Variants in C2orf76 observed in about 807,000 individuals in gnomAD.
C2orf76 encodes the protein UPF0538 protein C2orf76.
C2orf76 carries 23 observed loss-of-function variants against 16.9 expected under a neutral mutation model. The observed-to-expected ratio is 1.36, with a 90% CI of 0.98 to 1.93. The LOEUF (loss-of-function observed/expected upper bound fraction) is 1.93, where lower values mean the gene tolerates loss of function less well. C2orf76 is among the 30% of genes most tolerant of loss of function. C2orf76 has a pLI of 0.00. For missense variants in C2orf76, 152 were observed against 152.6 expected (o/e 1.00, Z 0.02); for synonymous variants, 48 against 52.3 (o/e 0.92, Z 0.35).
chr2:119,308,955 G>A (rs1024955038), intron 5 of C2orf76, among the ~76,000 whole-genome samples: 1 of 130,140 alleles, frequency 7.7e-6, no homozygotes, highest in Non-Finnish European at 1.5e-5. Context: ...CTTGGACAAT[G>A]CCACTTTTTC....
chr2:119,288,089 C>T, the C2orf76 span, among the ~76,000 whole-genome samples: 2 of 151,728 alleles, frequency 1.3e-5, no homozygotes, highest in Admixed American at 6.6e-5. Context: ...GTGGGTCGTG[C>T]ACTTGTCAAA....
chr2:119,342,287 G>A (rs1345313118), intron 1 of C2orf76, among the ~76,000 whole-genome samples: 1 of 152,166 alleles, frequency 6.6e-6, no homozygotes, highest in African/African-American at 2.4e-5. Context: ...TTTATACAAA[G>A]TTCATAAACA....
intron 3 of C2orf76, among the ~76,000 whole-genome samples, chr2:119,320,005 AT>A (rs1258550383): frequency 3.9e-5 from 6 of 152,196 alleles, no homozygotes; most frequent in African/African-American, 1.4e-4. Flanking sequence ...AAATGTATTC[AT>A]TTTTTCTGCC....
intron 2 of C2orf76, among the ~76,000 whole-genome samples, chr2:119,323,696 C>T (rs1413305497): frequency 1.3e-5 from 2 of 152,148 alleles, no homozygotes; most frequent in African/African-American, 2.4e-5. Flanking sequence ...ACCCAGAGGC[C>T]AGACAGGTGA....
intron 2 of C2orf76, among the ~76,000 whole-genome samples, chr2:119,327,336 A>ATTTTTTTTTTTTTT (rs34185420): frequency 1.5e-5 from 1 of 68,692 alleles, no homozygotes. Flanking sequence ...AATTACATGG[A>ATTTTTTTTTTTTTT]TTTTTTTTTT....
chr2:119,361,803 A>G (rs1425234076), intron 1 of C2orf76, among the ~76,000 whole-genome samples: 1 of 152,136 alleles, frequency 6.6e-6, no homozygotes, highest in East Asian at 1.9e-4. Context: ...TATATTTTTT[A>G]TAACCGCACG....
At chr2:119,320,954 A>G (rs1316549460) in intron 3 of C2orf76, among the ~76,000 whole-genome samples, 200 bp downstream of exon 3, 1 of 152,186 alleles carries the variant, frequency 6.6e-6, no homozygotes, top group Non-Finnish European at 1.5e-5. Flanking sequence ...TTTGGCAAAC[A>G]TGCTACTCTT....
the C2orf76 span, among the ~76,000 whole-genome samples, chr2:119,282,367 T>A: frequency 2.6e-5 from 4 of 152,192 alleles, no homozygotes; most frequent in African/African-American, 9.7e-5. Context: ...GGACTGTCAC[T>A]CACCAAGCCT....
chr2:119,318,638 G>T (rs1022461987), intron 3 of C2orf76, among the ~76,000 whole-genome samples: 9 of 150,650 alleles, frequency 6.0e-5, no homozygotes, highest in African/African-American at 2.2e-4. Context: ...CAAGCAATTC[G>T]CCTGCCTCAG....
intron 1 of C2orf76, chr2:119,366,352 C>T (rs879117382): frequency 1.3e-5 from 6 of 459,410 alleles, no homozygotes; most frequent in Non-Finnish European, 2.7e-5. Context: ...CTGCCTTTAA[C>T]GCACCAGATG....
At chr2:119,305,332 T>C (rs761341011) in intron 5 of C2orf76, among the ~76,000 whole-genome samples, 2 of 152,168 alleles carry the variant, frequency 1.3e-5, no homozygotes, top group Admixed American at 6.5e-5. Context: ...AGGAACATAA[T>C]GATAATGACT....
intron 1 of C2orf76, among the ~76,000 whole-genome samples, chr2:119,356,096 A>C (rs1680562862): frequency 6.6e-6 from 1 of 152,172 alleles, no homozygotes; most frequent in Non-Finnish European, 1.5e-5. Context: ...CCCTGGACCA[A>C]AGACGAAGTC....
chr2:119,286,794 A>G, the C2orf76 span, among the ~76,000 whole-genome samples: 2,031 of 152,240 alleles, frequency 0.013, 32 homozygotes, highest in African/African-American at 0.045. Flanking sequence ...ATGAGAAATG[A>G]TGAGGCCCAA....
At chr2:119,281,763 T>G in the C2orf76 span, among the ~76,000 whole-genome samples, 2 of 152,142 alleles carry the variant, frequency 1.3e-5, no homozygotes. Context: ...GCTAAAATGC[T>G]TGGTGGAGAC....
intron 2 of C2orf76, among the ~76,000 whole-genome samples, chr2:119,339,339 T>C (rs920306619): frequency 3.9e-5 from 6 of 152,204 alleles, no homozygotes; most frequent in East Asian, 1.9e-4. Context: ...TGCATACTTC[T>C]AGTTTGAAAC....
intron 5 of C2orf76, among the ~76,000 whole-genome samples, chr2:119,306,697 T>A (rs528858431): frequency 6.6e-6 from 1 of 152,088 alleles, no homozygotes; most frequent in Non-Finnish European, 1.5e-5. Context: ...TGACAAAAAA[T>A]TATAAGTAAC....
At chr2:119,341,336 T>G (rs1680024332) in intron 1 of C2orf76, among the ~76,000 whole-genome samples, 1 of 152,156 alleles carries the variant, frequency 6.6e-6, no homozygotes, top group Non-Finnish European at 1.5e-5. Flanking sequence ...TCAGCAATGC[T>G]TACATGCCAG....
chr2:119,349,603 G>T (rs1327275320), intron 1 of C2orf76, among the ~76,000 whole-genome samples: 1 of 152,102 alleles, frequency 6.6e-6, no homozygotes, highest in African/African-American at 2.4e-5. Flanking sequence ...CTGTTGCCAA[G>T]CCTCTACCAC....
At chr2:119,338,834 A>G (rs1229980331) in intron 2 of C2orf76, 1 of 152,218 alleles carries the variant, frequency 6.6e-6, no homozygotes, top group African/African-American at 2.4e-5. Flanking sequence ...AAAGTACAAT[A>G]ACATCAAGGT....
Sources: gnomAD v4.1 joint callset for allele counts (sites outside exome capture counted in the v4.1 genomes callset) on GRCh38, gnomAD v4.1.1 for gene constraint, MANE v1.5 for transcripts, NCBI Gene and HGNC (gene_info 2026-07-23, HGNC 2026-07-21) for gene names.